DOK6: variants seen among roughly 807,000 people sequenced by gnomAD.
DOK6 encodes docking protein 6.
In DOK6, 22 loss-of-function variants were observed where a neutral mutation model predicts 44.0. The observed-to-expected ratio is 0.50, with a 90% CI of 0.36 to 0.71. The LOEUF (loss-of-function observed/expected upper bound fraction) is 0.71. Ranked by LOEUF, DOK6 falls within the 30% of genes least tolerant of loss-of-function variation. The pLI is 0.00. For missense variants in DOK6, 340 were observed against 416.4 expected, an observed-to-expected ratio of 0.82 and a Z score of 1.60; for synonymous variants, 166 against 145.5, an observed-to-expected ratio of 1.14 and a Z score of -1.01.
chr18:69,519,484 T>C (rs1981628775), intron 1 of DOK6, among the ~76,000 whole-genome samples: 1 of 151,962 alleles, frequency 6.6e-6, no homozygotes, highest in Non-Finnish European at 1.5e-5. Flanking sequence ...TATGAAAATA[T>C]CTAAATAAAT....
At chr18:69,415,525 T>C (rs1978326800) in intron 1 of DOK6, among the ~76,000 whole-genome samples, 1 of 152,102 alleles carries the variant, frequency 6.6e-6, no homozygotes. Context: ...TAAATGATCA[T>C]TACTATCTTA....
intron 7 of DOK6, among the ~76,000 whole-genome samples, chr18:69,805,028 G>A (rs1647839672): frequency 6.6e-6 from 1 of 152,166 alleles, no homozygotes; most frequent in South Asian, 2.1e-4. Context: ...TGGAAGCAAA[G>A]GCAGTAATTC....
chr18:69,726,670 T>G (rs1978309689), intron 5 of DOK6, among the ~76,000 whole-genome samples: 1 of 147,576 alleles, frequency 6.8e-6, no homozygotes, highest in Admixed American at 6.9e-5. Flanking sequence ...TGTGTGTGTG[T>G]GTATATATAC....
At chr18:69,642,980 A>G (rs2144655617) in intron 3 of DOK6, among the ~76,000 whole-genome samples, 1 of 152,294 alleles carries the variant, frequency 6.6e-6, no homozygotes, top group African/African-American at 2.4e-5. Flanking sequence ...TTACTTTCCT[A>G]TTTTTAGATG....
At chr18:69,800,203 A>C (rs1381083783) in intron 7 of DOK6, among the ~76,000 whole-genome samples, 2 of 152,106 alleles carry the variant, frequency 1.3e-5, no homozygotes, top group African/African-American at 2.4e-5. Flanking sequence ...CTAATTTCAG[A>C]GTATTTTAAT....
intron 1 of DOK6, among the ~76,000 whole-genome samples, chr18:69,530,471 T>C (rs1317389023): frequency 6.6e-6 from 1 of 152,112 alleles, no homozygotes; most frequent in Admixed American, 6.6e-5. Flanking sequence ...GCAGATATGC[T>C]TTCAGTGATT....
At chr18:69,656,385 A>G (rs1286268009) in intron 3 of DOK6, among the ~76,000 whole-genome samples, 2 of 152,238 alleles carry the variant, frequency 1.3e-5, no homozygotes, top group Non-Finnish European at 1.5e-5. Flanking sequence ...GCAAATCACA[A>G]TGATGAGACG....
chr18:69,564,407 A>T (rs556854904), intron 1 of DOK6, 80 bp from the exon 2 acceptor site: 1 of 1,229,796 alleles, frequency 8.1e-7, no homozygotes, highest in African/African-American at 1.5e-5. Flanking sequence ...ACACTTAAAA[A>T]ATTGATTAAT....
chr18:69,697,455 A>G (rs35316142), intron 4 of DOK6, among the ~76,000 whole-genome samples: 14,086 of 152,150 alleles, frequency 0.093, 956 homozygotes, highest in African/African-American at 0.19. Context: ...CTTGCATCTC[A>G]TAATTCATCA....
At chr18:69,654,743 G>A (rs143847473) in intron 3 of DOK6, among the ~76,000 whole-genome samples, 33 of 152,258 alleles carry the variant, frequency 2.2e-4, no homozygotes, top group African/African-American at 7.2e-4. Context: ...AGATTAAACC[G>A]TTTTGTTGAG....
intron 5 of DOK6, among the ~76,000 whole-genome samples, chr18:69,715,934 G>GAAGAT (rs924513683): frequency 6.6e-6 from 1 of 152,162 alleles, no homozygotes; most frequent in Non-Finnish European, 1.5e-5. Flanking sequence ...ACTACTCTAT[G>GAAGAT]AAGATAATTG....
At chr18:69,620,721 G>A (rs964838289) in intron 3 of DOK6, among the ~76,000 whole-genome samples, 2 of 152,088 alleles carry the variant, frequency 1.3e-5, no homozygotes, top group South Asian at 2.1e-4. Flanking sequence ...ATGAATAATC[G>A]TAAGCATTAT....
intron 2 of DOK6, among the ~76,000 whole-genome samples, chr18:69,575,708 T>C (rs948560996): frequency 6.6e-6 from 1 of 152,174 alleles, no homozygotes; most frequent in Admixed American, 6.6e-5. Flanking sequence ...ATCAATACTA[T>C]GTAACTATAC....
chr18:69,787,851 C>T (rs528181432), intron 7 of DOK6, among the ~76,000 whole-genome samples: 1 of 152,306 alleles, frequency 6.6e-6, no homozygotes, highest in South Asian at 2.1e-4. Context: ...TAAAAGGTTG[C>T]AATTAATCTG....
intron 3 of DOK6, among the ~76,000 whole-genome samples, chr18:69,606,029 T>C (rs1326834656): frequency 1.3e-5 from 2 of 152,128 alleles, no homozygotes; most frequent in Admixed American, 6.5e-5. Flanking sequence ...CCCAGCACTT[T>C]GGGAGGCCGA....
At chr18:69,443,148 T>A (rs534995797) in intron 1 of DOK6, among the ~76,000 whole-genome samples, 8 of 152,312 alleles carry the variant, frequency 5.3e-5, no homozygotes, top group African/African-American at 1.4e-4. Context: ...AAAAGTTACA[T>A]TTACATAGGA....
intron 1 of DOK6, among the ~76,000 whole-genome samples, chr18:69,418,278 A>T (rs1418023035): frequency 1.3e-5 from 2 of 151,532 alleles, no homozygotes; most frequent in African/African-American, 4.8e-5. Context: ...TATGGTCTAG[A>T]TAGTTTTTGG....
At chr18:69,681,513 G>A (rs1986044032) in intron 4 of DOK6, among the ~76,000 whole-genome samples, 1 of 152,080 alleles carries the variant, frequency 6.6e-6, no homozygotes, top group Non-Finnish European at 1.5e-5. Flanking sequence ...TATGGGGAAA[G>A]TTACATGAAC....
chr18:69,606,347 A>T, intron 3 of DOK6, among the ~76,000 whole-genome samples: 1 of 151,896 alleles, frequency 6.6e-6, no homozygotes, highest in Non-Finnish European at 1.5e-5. Context: ...GGAATTCTAA[A>T]ATTATATGGA....
Sources: gnomAD v4.1 joint callset for allele counts (sites outside exome capture counted in the v4.1 genomes callset) on GRCh38, gnomAD v4.1.1 for gene constraint, MANE v1.5 for transcripts, NCBI Gene and HGNC (gene_info 2026-07-23, HGNC 2026-07-21) for gene names.